CCHCR1: variants seen among roughly 807,000 people sequenced by gnomAD.
The protein encoded by CCHCR1 is coiled-coil alpha-helical rod protein 1.
A neutral mutation model predicts 114.6 loss-of-function variants in CCHCR1; 91 were observed. That is an observed-to-expected ratio of 0.79 (90% CI 0.67 to 0.94). The LOEUF (loss-of-function observed/expected upper bound fraction) is 0.94, where lower values mean the gene tolerates loss of function less well. Ranked by LOEUF, CCHCR1 falls within the 40% of genes least tolerant of loss-of-function variation. CCHCR1 has a pLI of 0.00. For synonymous variants in CCHCR1, 379 were observed against 428.5 expected (o/e 0.88, Z 1.43); for missense variants, 899 against 1,079.9 (o/e 0.83, Z 2.35).
chr6:31,148,867 T>A lies in CCHCR1; in HGVS notation c.1363-139A>T, dbSNP rs577014817. On this transcript the variant is annotated intron_variant, in intron 8 of 17. Transcript: ENST00000396268. The stretch of plus-strand genomic sequence containing the variant: ...GGGGAGGGGGGGCGGGCGACGGGGG[T>A]GGGTTGCAGCACGGTGGCTCACACC... 2.3e-3 allele frequency: 334 copies of A among 144,028 alleles called. 5 individuals are homozygous for A. Among genetic ancestry groups the A allele is most frequent in the Non-Finnish European group, 4.1e-3 (300 of 72,370 alleles). The allele number at this position is 144,028 out of a possible 1,614,324, so 8.9% of individuals were successfully genotyped here. A position where few individuals can be genotyped will look rare whatever the true frequency, so the allele number is the denominator to read the frequency against.
rs1187123468 is a variant in CCHCR1 at position 31,150,235 on chromosome 6, A to C, written c.1213-20T>G. 6.2e-7 allele frequency: 1 copy of C among 1,613,148 alleles called. No individual in the cohort carries two copies. Among genetic ancestry groups the C allele is most frequent in the African/African-American group, 1.3e-5 (1 of 74,900 alleles). On this transcript the variant is annotated intron_variant, in intron 7 of 17. Coordinates refer to ENST00000396268, the MANE Select transcript of CCHCR1 (RefSeq NM_001105564.2). The surrounding 1 kb of genome is among the most constrained non-coding windows in gnomAD (Gnocchi z 5.3). ...TTGAACCTGAGGGAGAAGGAGTGGG[A>C]GAAAAGTGTGGGCTCCTGGGGGAGG...
chr6:31,148,253 C>A (rs1033354871), intron 10 of CCHCR1, 152 bp downstream of exon 10: 12 of 622,072 alleles, frequency 1.9e-5, no homozygotes, highest in Non-Finnish European at 3.5e-5. Flanking sequence ...AAGAAACGAA[C>A]ACAGGAACAT....
chr6:31,145,156 C>T lies in CCHCR1; in HGVS notation c.1876+10G>A. The T allele has an allele frequency of 6.2e-7, 1 of 1,611,792 alleles. No homozygotes were observed. The highest frequency in any genetic ancestry group is 1.1e-5 in the South Asian group (1 of 91,056). ...CCTCATCCTCTCCACCCCCTGGCAA[C>T]CAGGTGTACCTTGCTCCCGAGCCCG... On this transcript the variant is annotated intron_variant, in intron 13 of 17. Transcript: ENST00000396268.
At chr6:31,156,706 G>GA in intron 3 of CCHCR1, 25 bp downstream of exon 3, 1 of 1,589,180 alleles carries the variant, frequency 6.3e-7, no homozygotes. Context: ...GCAAGCCTGA[G>GA]AAAACGGCGT....
chr6:31,150,581 A>G lies in CCHCR1; in HGVS notation c.1102-16T>C. The G allele has an allele frequency of 1.2e-6, 2 of 1,605,978 alleles. No individual in the cohort carries two copies. The highest frequency in any genetic ancestry group is 8.5e-7 in the Non-Finnish European group (1 of 1,175,726). ...CCTGCAAGTGCTGCGGGCAGAGGAA[A>G]GCAGCCCCTCTGTAGGGCCTCCATG... On this transcript the variant is annotated splice_polypyrimidine_tract_variant and intron_variant, in intron 6 of 17. Transcript: ENST00000396268. The surrounding 1 kb of genome is among the most constrained non-coding windows in gnomAD (Gnocchi z 5.3).
intron 10 of CCHCR1, 70 bp downstream of exon 10, chr6:31,148,335 T>C (rs1774642872): frequency 1.0e-6 from 1 of 988,430 alleles, no homozygotes; most frequent in East Asian, 2.4e-5. Flanking sequence ...CTGAGGATCC[T>C]CAGCAACAAG....
Position 31,151,634 on chromosome 6 carries a change from C to T in CCHCR1, c.802-512G>A, listed in dbSNP as rs1283690060. ...CCCTCCTCAGGGTGGCTTCACTGGG[C>T]CCTCTAATACCGTCCCTCCCCACCC... On this transcript the variant is annotated intron_variant, in intron 4 of 17. Transcript: ENST00000396268. This position sits in a 1 kb window ranked among gnomAD's most constrained non-coding sequence, Gnocchi z 4.1. Among the ~76,000 whole-genome samples, 8 of 152,224 alleles carry T rather than the reference C, an allele frequency of 5.3e-5. No homozygotes were observed. The highest frequency in any genetic ancestry group is 1.9e-4 in the African/African-American group (8 of 41,452).
Position 31,150,653 on chromosome 6 carries a change from T to C in CCHCR1, c.1101+72A>G. 1 of 1,593,588 alleles carries C rather than the reference T, an allele frequency of 6.3e-7. No individual in the cohort carries two copies. The highest frequency in any genetic ancestry group is 8.6e-7 in the Non-Finnish European group (1 of 1,167,300). On this transcript the variant is annotated intron_variant, in intron 6 of 17. Coordinates refer to ENST00000396268, the MANE Select transcript of CCHCR1 (RefSeq NM_001105564.2). This position sits in a 1 kb window ranked among gnomAD's most constrained non-coding sequence, Gnocchi z 5.3. ...CTCCCGGAGGCTGTGCTCTACACGCTCCTCCAAGGGCCACGCTTGCCTCCC... is the reference window on the plus strand; with the variant it reads ...CTCCCGGAGGCTGTGCTCTACACGCCCCTCCAAGGGCCACGCTTGCCTCCC...
Position 31,154,800 on chromosome 6 carries a change from C to T in CCHCR1, c.498-1G>A, listed in dbSNP as rs757914492. 6.3e-7 allele frequency: 1 copy of T among 1,599,166 alleles called. No homozygotes were observed. The highest frequency in any genetic ancestry group is 8.5e-7 in the Non-Finnish European group (1 of 1,177,584). On this transcript the variant is annotated splice_acceptor_variant, in intron 3 of 17. Coordinates refer to ENST00000396268, the MANE Select transcript of CCHCR1 (RefSeq NM_001105564.2). LOFTEE classifies it high-confidence loss of function. The surrounding 1 kb of genome is among the most constrained non-coding windows in gnomAD (Gnocchi z 4.1). ...CTGTGACCCCTCCAGCCCCCAGGAC[C>T]TTCAAAGACAGGTTAGTGCAGGTGA...
intron 3 of CCHCR1, among the ~76,000 whole-genome samples, chr6:31,155,778 A>ATTG (rs1026523347): frequency 6.6e-6 from 1 of 151,850 alleles, no homozygotes; most frequent in Non-Finnish European, 1.5e-5. Context: ...ACTATAAGAG[A>ATTG]TTGTTGTTGT....
At chr6:31,156,649 C>T (rs765018113) in intron 3 of CCHCR1, 82 bp downstream of exon 3, 101 of 1,226,350 alleles carry the variant, frequency 8.2e-5, no homozygotes, top group Non-Finnish European at 1.1e-4. Context: ...AAACTAGGGC[C>T]GAAATAGGGT....
At position 31,157,388 on chromosome 6, in the gene CCHCR1, C is replaced by T. The variant is rs751942509; in HGVS notation, c.213G>A (p.Arg71=). 6.2e-7 allele frequency: 1 copy of T among 1,611,950 alleles called. No individual in the cohort carries two copies. The highest frequency in any genetic ancestry group is 8.5e-7 in the Non-Finnish European group (1 of 1,179,024). The change falls in exon 1 of 18, where the codon AGG becomes AGA. Residue 71 remains arginine (R), a synonymous_variant. Transcript: ENST00000396268. ...RSSRDHRNLR[R]RGNIDGWRQN... The stretch of plus-strand genomic sequence containing the variant: ...GGATTCTGGGCAGTGCCTCTACCCT[C>T]CTCCTTAAGTTTCTATGGTCCCTGC...
Position 31,143,308 on chromosome 6 carries a change from AGTCGCTGC to A in CCHCR1, c.2265_2272del (p.Gln756GlyfsTer11), listed in dbSNP as rs1773817737. 12 of 1,612,766 alleles carry A rather than the reference AGTCGCTGC, an allele frequency of 7.4e-6. No homozygotes were observed. The highest frequency in any genetic ancestry group is 9.3e-6 in the Non-Finnish European group (11 of 1,180,030). On this transcript the variant is annotated frameshift_variant, in exon 16 of 18. Coordinates refer to ENST00000396268, the MANE Select transcript of CCHCR1 (RefSeq NM_001105564.2). LOFTEE classifies it high-confidence loss of function. The surrounding 1 kb of genome is among the most constrained non-coding windows in gnomAD (Gnocchi z 5.3). ...CTCTAGCTCCTGCAAGCGCCGGGCCAGTCGCTGCCCCTCCTCCTTCCGGGCCTCCTCCT... is the reference window on the plus strand; with the variant it reads ...CTCTAGCTCCTGCAAGCGCCGGGCCACCCTCCTCCTTCCGGGCCTCCTCCT...
intron 4 of CCHCR1, among the ~76,000 whole-genome samples, chr6:31,152,463 T>TCGCCCTCCC (rs28383833): frequency 6.6e-6 from 1 of 151,444 alleles, no homozygotes; most frequent in East Asian, 2.0e-4. Context: ...CTCACCCTCC[T>TCGCCCTCCC]GAGTAGCTGA....
At chr6:31,156,368 T>A in intron 3 of CCHCR1, 1 of 281,370 alleles carries the variant, frequency 3.6e-6, no homozygotes, top group Non-Finnish European at 6.6e-6. Context: ...CTGTAAAGGC[T>A]TTCTTCCATC....
In CCHCR1 at chr6:31,144,967, T is replaced by C. The variant is rs764501660; in HGVS notation, c.1983A>G (p.Ala661=). 1 of 1,610,008 alleles carries C rather than the reference T, an allele frequency of 6.2e-7. No individual in the cohort carries two copies. The highest frequency in any genetic ancestry group is 1.1e-5 in the South Asian group (1 of 91,080). ...CTGTGCTCTCCTGCTGGCCCTGGCGTGCTACCTCCAGCTGCAGCCCCAAGC... is the reference window on the plus strand; with the variant it reads ...CTGTGCTCTCCTGCTGGCCCTGGCGCGCTACCTCCAGCTGCAGCCCCAAGC... ...LASLGLQLEV[A]RQGQQESTEE... Residue 661 remains alanine (A), a synonymous_variant, in exon 14 of 18, where the codon GCA becomes GCG. Transcript: ENST00000396268. The surrounding 1 kb of genome is among the most constrained non-coding windows in gnomAD (Gnocchi z 4.6).
intron 3 of CCHCR1, among the ~76,000 whole-genome samples, chr6:31,155,136 T>G (rs1775804961): frequency 1.3e-5 from 2 of 151,982 alleles, no homozygotes; most frequent in South Asian, 2.1e-4. Flanking sequence ...TTTTTGGTGG[T>G]TTTTTTGTCT....
intron 10 of CCHCR1, 101 bp from the exon 11 acceptor site, chr6:31,145,909 A>G (rs1214175713): frequency 1.4e-6 from 1 of 708,380 alleles, no homozygotes; most frequent in South Asian, 1.6e-5. Context: ...GTCCCATTAT[A>G]CAAGTACAGA....
chr6:31,147,078 A>C (rs1265071), intron 10 of CCHCR1, among the ~76,000 whole-genome samples: 29,853 of 152,160 alleles, frequency 0.2, 3,120 homozygotes, highest in Middle Eastern at 0.25. Flanking sequence ...CGATAACAAT[A>C]AACATTTACA....
Sources: gnomAD v4.1 joint callset for allele counts (sites outside exome capture counted in the v4.1 genomes callset) on GRCh38, gnomAD v4.1.1 for gene constraint, Gnocchi (gnomAD v3.1) non-coding constraint, MANE v1.5 for transcripts, NCBI Gene and HGNC (gene_info 2026-07-23, HGNC 2026-07-21) for gene names.